The following EML5 variants were observed in gnomAD, a reference collection of about 807,000 sequenced individuals.
The protein encoded by EML5 is EMAP like 5, also known as echinoderm microtubule-associated protein-like 5.
Under a neutral mutation model 250.0 loss-of-function variants are expected in EML5, and 120 were observed. The ratio of observed to expected loss-of-function variants is 0.48; its 90% CI spans 0.41 to 0.56. EML5 has a LOEUF of 0.56. Ranked by LOEUF, EML5 falls within the 20% of genes least tolerant of loss-of-function variation. The pLI, the probability that EML5 is intolerant of heterozygous loss-of-function variation, is 0.00. For synonymous variants in EML5, 771 were observed against 806.5 expected (o/e 0.96, Z 0.75); for missense variants, 2,006 against 2,437.6 (o/e 0.82, Z 3.73).
intron 1 of EML5, among the ~76,000 whole-genome samples, chr14:88,770,529 G>T (rs780427569): frequency 6.6e-5 from 10 of 151,998 alleles, no homozygotes; most frequent in Admixed American, 2.0e-4. Context: ...TCTGAAACAG[G>T]GAAAAAAGAG....
intron 17 of EML5, among the ~76,000 whole-genome samples, chr14:88,693,216 T>A (rs1479040701): frequency 6.6e-6 from 1 of 152,216 alleles, no homozygotes; most frequent in African/African-American, 2.4e-5. Context: ...CTTTTGCAAG[T>A]ATGAATACTA....
chr14:88,736,455 T>C lies in EML5; in HGVS notation c.958A>G (p.Met320Val). The change falls in exon 7 of 44, where the codon ATG becomes GTG. Residue 320 changes from methionine to valine, a missense_variant. By Grantham distance (21) the Met-to-Val change is conservative (BLOSUM62 1). Coordinates refer to ENST00000554922, the MANE Select transcript of EML5 (RefSeq NM_183387.3). ...AGTTCACCTTCACAATGCCCTTGCA[T>C]AATTAGAAAAGGTTTATTTCTTTCT... ...VQERNKPFLIMQGHCEGELWA... is the reference protein window; with the variant it reads ...VQERNKPFLIVQGHCEGELWA... 3 of 1,614,062 alleles carry C rather than the reference T, an allele frequency of 1.9e-6. No individual in the cohort carries two copies. In the South Asian group the frequency reaches 3.3e-5, roughly 18 times the overall value.
intron 4 of EML5, 69 bp downstream of exon 4, chr14:88,743,953 TA>T: frequency 1.0e-6 from 1 of 1,004,282 alleles, no homozygotes; most frequent in South Asian, 2.4e-5. Context: ...GCTAAATTGT[TA>T]ACAGTGCAAT....
At position 88,613,767 on chromosome 14, in the gene EML5, C is replaced by T. The variant is rs2087179517; in HGVS notation, c.*2051G>A. ...ATAAAATGAATGGAACAAAAGGTGCCAGAAGTCCCAGGTTACACAATCAGG... is the reference window on the plus strand; with the variant it reads ...ATAAAATGAATGGAACAAAAGGTGCTAGAAGTCCCAGGTTACACAATCAGG... On this transcript the variant is annotated 3_prime_UTR_variant, in exon 44 of 44. Transcript: ENST00000554922. The T allele has an allele frequency of 6.6e-6, 1 of 152,110 alleles. No individual in the cohort carries two copies. Among genetic ancestry groups the T allele is most frequent in the South Asian group, 2.1e-4 (1 of 4,824 alleles). The allele number at this position is 152,110 out of a possible 1,614,324, so 9.4% of individuals were successfully genotyped here.
intron 21 of EML5, among the ~76,000 whole-genome samples, chr14:88,666,346 G>A (rs1392069703): frequency 6.6e-6 from 1 of 151,948 alleles, no homozygotes; most frequent in African/African-American, 2.4e-5. Context: ...CCTGCCTCAG[G>A]CTCCCAAGTA....
rs534436702 is a variant in EML5, at chr14:88,645,888, C to T, written c.4028+1059G>A. ...CTGTTCAGGATCTATTTATAATGTG[C>T]CGTGTCCCAACAGGTATATTGAGTT... is the stretch of plus-strand genomic sequence containing the variant. On this transcript the variant is annotated intron_variant, in intron 29 of 43. Coordinates refer to ENST00000554922, the MANE Select transcript of EML5 (RefSeq NM_183387.3). Among the ~76,000 whole-genome samples the T allele has an allele frequency of 3.3e-5, 5 of 152,266 alleles. No individual in the cohort carries two copies. In the South Asian group the frequency reaches 1.0e-3, roughly 32 times the overall value.
rs767359146 is a variant in EML5 at position 88,696,926 on chromosome 14, T to C, written c.2265A>G (p.Ile755Met). 32 of 1,599,992 alleles carry C rather than the reference T, an allele frequency of 2.0e-5. No homozygotes were observed. The highest frequency in any genetic ancestry group is 3.4e-5 in the Admixed American group (2 of 58,752). Residue 755 changes from isoleucine to methionine, a missense_variant, in exon 15 of 44, where the codon ATA becomes ATG. Transcript: ENST00000554922. The part of the protein sequence containing the change: ...GQVGRDPSIH[I>M]WDTETIKPLS... ...ATGGTTTAATGGTCTCTGTATCCCA[T>C]ATATGAATTGAGGGATCTCTACCAA...
intron 1 of EML5, among the ~76,000 whole-genome samples, chr14:88,775,297 C>T (rs143470518): frequency 6.6e-6 from 1 of 151,842 alleles, no homozygotes; most frequent in Non-Finnish European, 1.5e-5. Flanking sequence ...GTGGGTAGAT[C>T]ACCAAGTGGG....
In EML5 at chr14:88,736,350, T is replaced by C. The variant is rs2093841224; in HGVS notation, c.1049+14A>G. On this transcript the variant is annotated intron_variant, in intron 7 of 43. Transcript: ENST00000554922. ...TACATTCCAGCCTATGGAATTAGTT[T>C]ATAATTTGCTTACCTGACCGAACGA... is the stretch of plus-strand genomic sequence containing the variant. The C allele has an allele frequency of 1.9e-6, 3 of 1,613,784 alleles. No homozygotes were observed. Among genetic ancestry groups the C allele is most frequent in the East Asian group, 2.2e-5 (1 of 44,884 alleles).
In EML5 at chr14:88,688,311, G is replaced by A. The variant is rs367685695; in HGVS notation, c.2702C>T (p.Ala901Val). 4.2e-5 allele frequency: 67 copies of A among 1,613,670 alleles called. No individual in the cohort carries two copies. The highest frequency in any genetic ancestry group is 2.3e-4 in the African/African-American group (17 of 74,868). Residue 901 changes from alanine (A) to valine (V), a missense_variant, in exon 18 of 44, where the codon GCG (alanine) becomes GTG (valine). By Grantham distance (64) the Ala-to-Val change is moderately conservative (BLOSUM62 0). Coordinates refer to ENST00000554922, the MANE Select transcript of EML5 (RefSeq NM_183387.3). ...CATACTGAACACTGGCCCATCATGC[G>A]CTTTCACTGTTTTTACAAGAAAGAT... ...RDIFLVKTVK[A>V]HDGPVFSMHA...
chr14:88,627,907 T>C, intron 33 of EML5, 88 bp from the exon 34 acceptor site: 1 of 1,169,374 alleles, frequency 8.6e-7, no homozygotes, highest in South Asian at 1.3e-5. Flanking sequence ...CTGTGAAACA[T>C]GGACAAATGT....
chr14:88,666,606 AC>A (rs1355798003), intron 21 of EML5, among the ~76,000 whole-genome samples: 3 of 152,178 alleles, frequency 2.0e-5, no homozygotes, highest in African/African-American at 7.2e-5. Flanking sequence ...ACGTTTCAGA[AC>A]CATATATGAA....
Position 88,628,002 on chromosome 14 carries a change from G to A in EML5, c.4358-183C>T, listed in dbSNP as rs903233360. Reference sequence around the variant, plus strand: ...AAGGAAAAGGAGTTTTGGGGGTGGGGAGGAAAGAAAAGGAAAATATATAGA... The same window carrying A: ...AAGGAAAAGGAGTTTTGGGGGTGGGAAGGAAAGAAAAGGAAAATATATAGA... On this transcript the variant is annotated intron_variant, in intron 33 of 43. Transcript: ENST00000554922. 8.6e-6 allele frequency: 6 copies of A among 696,646 alleles called. No individual in the cohort carries two copies. In the African/African-American group the frequency reaches 1.1e-4, roughly 12 times the overall value. 43.2% of individuals were successfully genotyped at this position (696,646 alleles called of 1,614,324 possible). A position where few individuals can be genotyped will look rare whatever the true frequency, so the allele number is the denominator to read the frequency against.
At chr14:88,760,793 T>C (rs2094229266) in intron 1 of EML5, among the ~76,000 whole-genome samples, 1 of 152,182 alleles carries the variant, frequency 6.6e-6, no homozygotes, top group Non-Finnish European at 1.5e-5. Flanking sequence ...ATAAACATAG[T>C]ACGCCCGCCC....
intron 1 of EML5, among the ~76,000 whole-genome samples, chr14:88,773,262 C>G (rs535706900): frequency 1.3e-5 from 2 of 152,300 alleles, no homozygotes; most frequent in Admixed American, 1.3e-4. Flanking sequence ...TGTGAGTGAG[C>G]ATTTTTCTGG....
At chr14:88,727,404 T>TTG (rs1402635453) in intron 7 of EML5, among the ~76,000 whole-genome samples, 3 of 150,834 alleles carry the variant, frequency 2.0e-5, no homozygotes, top group Non-Finnish European at 4.4e-5. Context: ...ACACTGCATT[T>TTG]TTTTTTTTTT....
intron 10 of EML5, among the ~76,000 whole-genome samples, chr14:88,709,368 G>A (rs2093368167): frequency 6.7e-6 from 1 of 149,816 alleles, no homozygotes. Flanking sequence ...CAAAGCATTT[G>A]TATTATTAGA....
rs796931471 is a variant in EML5 at position 88,710,613 on chromosome 14, C to T, written c.1657+1658G>A. Among the ~76,000 whole-genome samples the T allele has an allele frequency of 2.4e-4, 36 of 152,224 alleles. 1 individual carries two copies. The highest frequency in any genetic ancestry group is 8.4e-4 in the African/African-American group (35 of 41,536). ...CTGCAAAACATAAAATCTTAAAATA[C>T]TTATATTAATCCATTAAAAATGCAG... is the stretch of plus-strand genomic sequence containing the variant. On this transcript the variant is annotated intron_variant, in intron 10 of 43. Transcript: ENST00000554922.
chr14:88,656,174 T>C (rs1246000166), intron 27 of EML5, among the ~76,000 whole-genome samples: 1 of 152,206 alleles, frequency 6.6e-6, no homozygotes, highest in East Asian at 1.9e-4. Flanking sequence ...ACATGTATAT[T>C]TATTACAGCA....
Sources: gnomAD v4.1 joint callset for allele counts (sites outside exome capture counted in the v4.1 genomes callset) on GRCh38, gnomAD v4.1.1 for gene constraint, MANE v1.5 for transcripts, NCBI Gene and HGNC (gene_info 2026-07-23, HGNC 2026-07-21) for gene names.